Variants in AKR1A1 observed in about 807,000 individuals in gnomAD.
AKR1A1 encodes the protein aldo-keto reductase family 1 member A1, also known as HEL-S-165mP.
AKR1A1 carries 26 observed loss-of-function variants against 39.2 expected under a neutral mutation model. The ratio of observed to expected loss-of-function variants is 0.66; its 90% CI spans 0.49 to 0.92. The LOEUF (loss-of-function observed/expected upper bound fraction) is 0.92. AKR1A1 is among the 40% of genes least tolerant of loss of function. AKR1A1 has a pLI of 0.00. For missense variants in AKR1A1, 378 were observed against 406.5 expected (o/e 0.93, Z 0.60); for synonymous variants, 141 against 155.5 (o/e 0.91, Z 0.69).
Position 45,569,222 on chromosome 1 carries a change from T to C in AKR1A1, c.905T>C (p.Met302Thr), listed in dbSNP as rs140905537. The change falls in exon 8 of 9, where the codon ATG becomes ACG. Residue 302 changes from methionine (M) to threonine (T), a missense_variant. Physicochemically the swap from Met to Thr is moderately conservative, Grantham distance 81. Coordinates refer to ENST00000351829, the MANE Select transcript of AKR1A1 (RefSeq NM_153326.3). ...AAAAATTGGAGATATATTGTGCCTA[T>C]GCTTACGGTGAGGATGTATCAGCCT... ...LNKNWRYIVP[M>T]LTVDGKRVPR... 2.5e-6 allele frequency: 4 copies of C among 1,613,626 alleles called. No individual in the cohort carries two copies. Among genetic ancestry groups the C allele is most frequent in the African/African-American group, 1.3e-5 (1 of 75,036 alleles).
chr1:45,568,082 A>G lies in AKR1A1; in HGVS notation c.457A>G (p.Lys153Glu), dbSNP rs1031740193. 1.9e-6 allele frequency: 3 copies of G among 1,614,050 alleles called. No individual in the cohort carries two copies. The highest frequency in any genetic ancestry group is 1.7e-5 in the Admixed American group (1 of 59,990). ...GAAGGCTCTGGAGGCACTGGTGGCT[A>G]AGGGGCTGGTGCAGGCGCTGGGCCT... ...TWKALEALVA[K>E]GLVQALGLSN... Residue 153 changes from lysine to glutamate, a missense_variant, in exon 5 of 9, where the codon AAG becomes GAG. Transcript: ENST00000351829.
At position 45,568,656 on chromosome 1, in the gene AKR1A1, G is replaced by A. The variant is rs1431810181; in HGVS notation, c.724G>A (p.Gly242Ser). 5 of 1,613,690 alleles carry A rather than the reference G, an allele frequency of 3.1e-6. No homozygotes were observed. In the East Asian group the frequency reaches 6.7e-5, roughly 22 times the overall value. ...PVVLALAEKY[G>S]RSPAQILLRW... ...AGTCCTGGCATTGGCTGAAAAGTAT[G>A]GCCGATCTCCAGCTCAGATCTTGCT... Residue 242 changes from glycine to serine, a missense_variant, in exon 6 of 9, where the codon GGC (glycine) becomes AGC (serine). By Grantham distance (56) the Gly-to-Ser change is moderately conservative. Transcript: ENST00000351829.
At chr1:45,568,228 T>C in intron 5 of AKR1A1, 51 bp downstream of exon 5, 1 of 1,551,130 alleles carries the variant, frequency 6.4e-7, no homozygotes, top group Non-Finnish European at 8.7e-7. Flanking sequence ...CTCAAGAGCA[T>C]GAGGGAGCAG....
At chr1:45,557,936 G>C (rs1156698141) in intron 1 of AKR1A1, among the ~76,000 whole-genome samples, 2 of 37,148 alleles carry the variant, frequency 5.4e-5, no homozygotes, top group African/African-American at 2.7e-4. Context: ...TTGAGATGGA[G>C]CCTCACTCTG....
intron 4 of AKR1A1, chr1:45,567,576 C>T: frequency 6.2e-6 from 1 of 160,674 alleles, no homozygotes; most frequent in Admixed American, 6.0e-5. Context: ...GCCTGTAATC[C>T]CAGCACTTTG....
At chr1:45,559,674 C>A (rs1260035253) in intron 1 of AKR1A1, among the ~76,000 whole-genome samples, 1 of 128,760 alleles carries the variant, frequency 7.8e-6, no homozygotes, top group Admixed American at 8.7e-5. Context: ...GACGGAGTCT[C>A]CCTCTGTCAC....
chr1:45,565,437 A>T (rs1398422523), intron 2 of AKR1A1, among the ~76,000 whole-genome samples: 4 of 127,016 alleles, frequency 3.1e-5, no homozygotes, highest in East Asian at 2.2e-4. Context: ...GCTTTTATTT[A>T]AAAAAAAAAA....
chr1:45,567,789 T>C (rs1644362970), intron 4 of AKR1A1, 193 bp from the exon 5 acceptor site: 2 of 500,264 alleles, frequency 4.0e-6, no homozygotes, highest in Middle Eastern at 5.6e-4. Context: ...ATAGTGCCAC[T>C]GCACTCCAGC....
At chr1:45,568,440 G>A (rs1326927950) in intron 5 of AKR1A1, 45 bp from the exon 6 acceptor site, 1 of 1,605,726 alleles carries the variant, frequency 6.2e-7, no homozygotes, top group East Asian at 2.2e-5. Context: ...GGCCAAGCAA[G>A]CTGGGTGTCA....
At chr1:45,563,160 G>A (rs910481325) in intron 2 of AKR1A1, among the ~76,000 whole-genome samples, 1 of 151,736 alleles carries the variant, frequency 6.6e-6, no homozygotes, top group Non-Finnish European at 1.5e-5. Context: ...CCAGCACTTT[G>A]GGAGGCCAAG....
chr1:45,561,483 A>G (rs1014195807), intron 1 of AKR1A1, among the ~76,000 whole-genome samples: 4 of 152,072 alleles, frequency 2.6e-5, no homozygotes, highest in Admixed American at 6.6e-5. Context: ...AGCTAACTGC[A>G]ACCTCCACCT....
In AKR1A1 at chr1:45,556,017, G is replaced by A. The variant is rs181174053; in HGVS notation, c.-7+4862G>A. Among the ~76,000 whole-genome samples, 420 of 152,222 alleles carry A rather than the reference G, an allele frequency of 2.8e-3. 2 individuals are homozygous for A. The highest frequency in any genetic ancestry group is 0.01 in the Middle Eastern group (3 of 294). Reference sequence around the variant, plus strand: ...AGAAGATTGAGGAGAAAACCCTGAAGGGACCTTTCCTTTGCCTCCCACACC... The same window carrying A: ...AGAAGATTGAGGAGAAAACCCTGAAAGGACCTTTCCTTTGCCTCCCACACC... On this transcript the variant is annotated intron_variant, in intron 1 of 8. Coordinates refer to ENST00000351829, the MANE Select transcript of AKR1A1 (RefSeq NM_153326.3).
intron 2 of AKR1A1, among the ~76,000 whole-genome samples, chr1:45,563,512 G>A (rs1003330894): frequency 7.9e-5 from 12 of 151,934 alleles, no homozygotes; most frequent in African/African-American, 2.4e-4. Context: ...CACTTAAGCT[G>A]GGTGTGGTGG....
intron 1 of AKR1A1, among the ~76,000 whole-genome samples, chr1:45,559,760 C>T (rs1644254097): frequency 6.7e-6 from 1 of 149,282 alleles, no homozygotes; most frequent in African/African-American, 2.5e-5. Flanking sequence ...TCTCCTGCCT[C>T]AGCCTCCCAA....
chr1:45,551,073 G>A lies in AKR1A1; in HGVS notation c.-89G>A, dbSNP rs1026300865. The A allele has an allele frequency of 1.3e-5, 2 of 152,406 alleles. No individual in the cohort carries two copies. The highest frequency in any genetic ancestry group is 4.8e-5 in the African/African-American group (2 of 41,472). 9.4% of individuals were successfully genotyped at this position (152,406 alleles called of 1,614,324 possible). ...ACTTCCCCCTCACCGCCAGACTTAA[G>A]CTGAGGATCGTTGGATCTCTGGCGG... On this transcript the variant is annotated 5_prime_UTR_variant, in exon 1 of 9. Transcript: ENST00000351829.
intron 1 of AKR1A1, among the ~76,000 whole-genome samples, chr1:45,556,508 G>A (rs1352732184): frequency 6.6e-6 from 1 of 152,004 alleles, no homozygotes; most frequent in African/African-American, 2.4e-5. Context: ...TTGAACCTGG[G>A]AAGTGGAGGT....
chr1:45,567,832 A>C, intron 4 of AKR1A1, 150 bp from the exon 5 acceptor site: 1 of 771,044 alleles, frequency 1.3e-6, no homozygotes, highest in Non-Finnish European at 2.0e-6. Context: ...ATCTCAAAAA[A>C]AAAAAAAAAG....
intron 3 of AKR1A1, 35 bp downstream of exon 3, chr1:45,566,723 G>A (rs376777860): frequency 8.1e-6 from 13 of 1,611,048 alleles, no homozygotes; most frequent in African/African-American, 1.3e-5. Flanking sequence ...GGTGGGATAA[G>A]AGAACTTAGA....
chr1:45,558,424 A>G (rs1570896788), intron 1 of AKR1A1, among the ~76,000 whole-genome samples: 1 of 114,664 alleles, frequency 8.7e-6, no homozygotes, highest in Non-Finnish European at 1.7e-5. Context: ...TTTGAGATGG[A>G]GTCTTGCTCT....
Sources: gnomAD v4.1 joint callset for allele counts (sites outside exome capture counted in the v4.1 genomes callset) on GRCh38, gnomAD v4.1.1 for gene constraint, MANE v1.5 for transcripts, NCBI Gene and HGNC (gene_info 2026-07-23, HGNC 2026-07-21) for gene names.